NARS2: variants seen among roughly 807,000 people sequenced by gnomAD.
NARS2 encodes the protein asparaginyl-tRNA synthetase.
In NARS2, 60 loss-of-function variants were observed where a neutral mutation model predicts 62.9. The observed-to-expected ratio is 0.95, with a 90% CI of 0.77 to 1.18. The LOEUF (loss-of-function observed/expected upper bound fraction) is 1.18. NARS2 is among the 50% of genes most tolerant of loss of function. The pLI, the probability that NARS2 is intolerant of heterozygous loss-of-function variation, is 0.00. For synonymous variants in NARS2, 196 were observed against 200.0 expected (o/e 0.98, Z 0.17); for missense variants, 619 against 576.4 (o/e 1.07, Z -0.76).
At chr11:78,445,660 T>G (rs1591124619) in intron 11 of NARS2, among the ~76,000 whole-genome samples, 2 of 152,228 alleles carry the variant, frequency 1.3e-5, no homozygotes, top group Admixed American at 1.3e-4. Flanking sequence ...TTTTAAATGT[T>G]TATTTGTGGC....
At chr11:78,489,862 G>A (rs986188716) in intron 7 of NARS2, among the ~76,000 whole-genome samples, 4 of 151,942 alleles carry the variant, frequency 2.6e-5, no homozygotes, top group Admixed American at 6.6e-5. Context: ...TGAGACCAGC[G>A]TGGGTAACAC....
At chr11:78,467,542 A>AAAATAAAT (rs148012478) in intron 10 of NARS2, among the ~76,000 whole-genome samples, 1 of 150,356 alleles carries the variant, frequency 6.7e-6, no homozygotes, top group African/African-American at 2.4e-5. Flanking sequence ...TGTCTTTCAA[A>AAAATAAAT]AAATAAATAA....
intron 5 of NARS2, among the ~76,000 whole-genome samples, chr11:78,536,158 T>C (rs1855330036): frequency 6.6e-6 from 1 of 152,228 alleles, no homozygotes; most frequent in Admixed American, 6.5e-5. Context: ...GAGCATGGCA[T>C]TACTCACGTA....
chr11:78,525,091 C>CA (rs1359767670), intron 6 of NARS2, among the ~76,000 whole-genome samples: 1 of 151,998 alleles, frequency 6.6e-6, no homozygotes, highest in African/African-American at 2.4e-5. Flanking sequence ...CTGGAAAAGG[C>CA]AAAACTATGG....
intron 6 of NARS2, among the ~76,000 whole-genome samples, chr11:78,522,119 A>ATT (rs59159824): frequency 0.035 from 4,769 of 134,868 alleles, 321 homozygotes; most frequent in African/African-American, 0.12. Context: ...CATCCAGCTA[A>ATT]TTTTTTTTTT....
chr11:78,487,200 AC>A (rs1188702685), intron 7 of NARS2, among the ~76,000 whole-genome samples: 1 of 151,970 alleles, frequency 6.6e-6, no homozygotes, highest in Non-Finnish European at 1.5e-5. Flanking sequence ...TGATAACAGT[AC>A]AAAAATTAGT....
intron 9 of NARS2, among the ~76,000 whole-genome samples, chr11:78,475,455 C>T (rs1052039642): frequency 4.6e-5 from 7 of 152,022 alleles, no homozygotes; most frequent in Admixed American, 3.3e-4. Flanking sequence ...GGTAAATATA[C>T]TTTTGGTTTT....
intron 5 of NARS2, among the ~76,000 whole-genome samples, chr11:78,531,062 C>T (rs951130595): frequency 6.6e-6 from 1 of 151,654 alleles, no homozygotes; most frequent in Non-Finnish European, 1.5e-5. Context: ...AAAGTAATTA[C>T]AAAAAGTGAT....
At chr11:78,477,667 T>G (rs1318800268) in intron 9 of NARS2, among the ~76,000 whole-genome samples, 1 of 152,126 alleles carries the variant, frequency 6.6e-6, no homozygotes, top group Non-Finnish European at 1.5e-5. Flanking sequence ...TCTAAATCAG[T>G]GGACTTTGAA....
At chr11:78,442,264 G>A (rs1208971522) in intron 12 of NARS2, among the ~76,000 whole-genome samples, 1 of 152,160 alleles carries the variant, frequency 6.6e-6, no homozygotes, top group Admixed American at 6.5e-5. Context: ...TTCAACTAGA[G>A]TCTGACCTTC....
chr11:78,563,849 A>ATATATATAT (rs1250561530), intron 4 of NARS2, among the ~76,000 whole-genome samples: 2 of 54,672 alleles, frequency 3.7e-5, no homozygotes, highest in African/African-American at 1.8e-4. Flanking sequence ...AAAAAAAAAA[A>ATATATATAT]AAATATATAT....
intron 6 of NARS2, among the ~76,000 whole-genome samples, chr11:78,527,824 C>T (rs1319436645): frequency 6.6e-6 from 1 of 152,116 alleles, no homozygotes; most frequent in Non-Finnish European, 1.5e-5. Context: ...AAATTACCCC[C>T]AGAGGCCAGG....
chr11:78,544,803 A>G (rs1855789997), intron 5 of NARS2, among the ~76,000 whole-genome samples: 1 of 151,084 alleles, frequency 6.6e-6, no homozygotes, highest in East Asian at 1.9e-4. Flanking sequence ...CACAAAAAAA[A>G]AAAAAAAAAA....
intron 4 of NARS2, among the ~76,000 whole-genome samples, chr11:78,562,054 A>AAAAAACT (rs2135522176): frequency 6.6e-6 from 1 of 152,202 alleles, no homozygotes; most frequent in African/African-American, 2.4e-5. Context: ...AACAAAAAAC[A>AAAAAACT]AAAAACAAAA....
chr11:78,524,584 T>C (rs150550807), intron 6 of NARS2, among the ~76,000 whole-genome samples: 18 of 152,238 alleles, frequency 1.2e-4, no homozygotes, highest in African/African-American at 4.3e-4. Flanking sequence ...CATTTCTTAA[T>C]TGCAGGTTTT....
At chr11:78,558,808 A>G (rs1326914999) in intron 5 of NARS2, among the ~76,000 whole-genome samples, 1 of 152,240 alleles carries the variant, frequency 6.6e-6, no homozygotes, top group Non-Finnish European at 1.5e-5. Context: ...TGTATTTTTT[A>G]AAGACTTTGA....
chr11:78,483,507 A>T (rs972139961), intron 7 of NARS2, among the ~76,000 whole-genome samples: 1 of 152,210 alleles, frequency 6.6e-6, no homozygotes, highest in Non-Finnish European at 1.5e-5. Flanking sequence ...CTCAGCCCAA[A>T]AACTCCTTAA....
intron 6 of NARS2, among the ~76,000 whole-genome samples, chr11:78,521,338 T>TTTTG (rs1238553156): frequency 1.1e-4 from 17 of 152,042 alleles, no homozygotes; most frequent in African/African-American, 2.9e-4. Context: ...TTTTTGGTTT[T>TTTTG]TTTGTTTGTT....
At chr11:78,522,825 T>C (rs1489421833) in intron 6 of NARS2, among the ~76,000 whole-genome samples, 1 of 152,200 alleles carries the variant, frequency 6.6e-6, no homozygotes, top group African/African-American at 2.4e-5. Context: ...ATTAAAGATG[T>C]ATTAAAAATC....
Sources: gnomAD v4.1 joint callset for allele counts (sites outside exome capture counted in the v4.1 genomes callset) on GRCh38, gnomAD v4.1.1 for gene constraint, MANE v1.5 for transcripts, NCBI Gene and HGNC (gene_info 2026-07-23, HGNC 2026-07-21) for gene names.